PAGE2B: variants seen among roughly 807,000 people sequenced by gnomAD.
PAGE2B encodes putative G antigen family E member 3.
A neutral mutation model predicts 7.6 loss-of-function variants in PAGE2B; 5 were observed. The observed-to-expected ratio is 0.66, with a 90% CI of 0.34 to 1.38. The LOEUF (loss-of-function observed/expected upper bound fraction) is 1.38. Among genes scored for constraint, PAGE2B ranks in the 40% most tolerant of loss-of-function variants. The probability of loss-of-function intolerance (pLI) is 0.04; values close to 1 mark genes in which losing one functional copy is unlikely to be tolerated. For missense variants in PAGE2B, 70 were observed against 78.4 expected, an observed-to-expected ratio of 0.89 and a Z score of 0.41; for synonymous variants, 29 against 26.7, an observed-to-expected ratio of 1.09 and a Z score of -0.27.
At chrX:55,038,014 C>T in the PAGE2B span, among the ~76,000 whole-genome samples, 1 of 108,618 alleles carries the variant, frequency 9.2e-6, no homozygotes, top group Admixed American at 9.9e-5. Flanking sequence ...AACAAACCTG[C>T]ACATTGTGCA....
At chrX:55,063,241 C>A in the PAGE2B span, among the ~76,000 whole-genome samples, 1 of 111,089 alleles carries the variant, frequency 9.0e-6, no homozygotes, top group Non-Finnish European at 1.9e-5. Flanking sequence ...CATTTAATTT[C>A]TTGCATCAAT....
At chrX:55,062,047 G>T in the PAGE2B span, among the ~76,000 whole-genome samples, 3 of 111,750 alleles carry the variant, frequency 2.7e-5, no homozygotes, top group African/African-American at 6.5e-5. Flanking sequence ...GAATAGTGCT[G>T]CTGTAAACAT....
intron 2 of PAGE2B, among the ~76,000 whole-genome samples, chrX:55,076,340 G>A (rs768958560): frequency 2.5e-4 from 26 of 103,500 alleles, no homozygotes; most frequent in African/African-American, 9.3e-4. Flanking sequence ...ATATATATAT[G>A]TGTGTGTGTG....
rs1380705758 is a variant in PAGE2B at position 55,075,086 on chromosome X, A to G, written c.-37A>G. On this transcript the variant is annotated 5_prime_UTR_variant, in exon 1 of 5. Transcript: ENST00000374971. ...TGTCTTCATTCTTTCCGCCATCTTG[A>G]TTCTTTGTCACTGACCGAGACTCAG... 1 of 115,385 alleles carries G rather than the reference A, an allele frequency of 8.7e-6. No individual in the cohort carries two copies. The highest frequency in any genetic ancestry group is 1.8e-5 in the Non-Finnish European group (1 of 55,003). The allele number at this position is 115,385 out of a possible 1,213,427, so 9.5% of individuals were successfully genotyped here. A position where few individuals can be genotyped will look rare whatever the true frequency, so the allele number is the denominator to read the frequency against.
At chrX:55,057,210 T>C in the PAGE2B span, among the ~76,000 whole-genome samples, 1 of 110,993 alleles carries the variant, frequency 9.0e-6, no homozygotes, top group East Asian at 2.9e-4. Context: ...TTTTGTGTTT[T>C]TCCTTTTCTC....
chrX:55,036,427 G>A, the PAGE2B span, among the ~76,000 whole-genome samples: 54 of 111,191 alleles, frequency 4.9e-4, no homozygotes, highest in African/African-American at 1.6e-3. Context: ...GTATGATACT[G>A]GCTGTGGGTT....
At chrX:55,070,830 G>A (rs1936441797), upstream of PAGE2B, among the ~76,000 whole-genome samples, 1 of 111,579 alleles carries the variant, frequency 9.0e-6, no homozygotes. Context: ...TTTGAAGTCT[G>A]TTTTATCAGA....
the PAGE2B span, among the ~76,000 whole-genome samples, chrX:55,053,377 GA>G: frequency 9.0e-6 from 1 of 111,540 alleles, no homozygotes; most frequent in African/African-American, 3.3e-5. Context: ...TCAAGGGGGC[GA>G]GGGGAGGGAG....
At chrX:55,076,308 T>TTCTC (rs766282431) in intron 2 of PAGE2B, among the ~76,000 whole-genome samples, 183 bp downstream of exon 2, 2 of 106,865 alleles carry the variant, frequency 1.9e-5, no homozygotes, top group Non-Finnish European at 3.9e-5. Flanking sequence ...ATATGGATAT[T>TTCTC]TCTCTCTCTC....
At chrX:55,039,836 C>T in the PAGE2B span, among the ~76,000 whole-genome samples, 1 of 112,082 alleles carries the variant, frequency 8.9e-6, no homozygotes, top group Non-Finnish European at 1.9e-5. Flanking sequence ...GGGGCTGGCC[C>T]ATGTCCTTGT....
the PAGE2B span, among the ~76,000 whole-genome samples, chrX:55,041,747 G>A: frequency 4.5e-5 from 5 of 111,363 alleles, no homozygotes; most frequent in African/African-American, 1.6e-4. Context: ...GGCTGGGAGC[G>A]GCTGCCGTGG....
chrX:55,030,837 A>G, the PAGE2B span: 1 of 195,047 alleles, frequency 5.1e-6, no homozygotes, highest in Non-Finnish European at 1.1e-5. Context: ...AGAAACAAAC[A>G]AAGGAAAAAG....
chrX:55,039,500 T>TA, the PAGE2B span, among the ~76,000 whole-genome samples: 3 of 108,956 alleles, frequency 2.8e-5, no homozygotes, highest in South Asian at 4.0e-4. Context: ...TTTTTTTTTT[T>TA]AAACCACAGG....
At chrX:55,052,590 G>C in the PAGE2B span, among the ~76,000 whole-genome samples, 3 of 112,738 alleles carry the variant, frequency 2.7e-5, no homozygotes, top group Non-Finnish European at 5.6e-5. Context: ...GGCTCCTTGG[G>C]CATAGGACCC....
In PAGE2B at chrX:55,076,608, C is replaced by T; in HGVS notation, c.124C>T (p.Pro42Ser). 1.7e-6 allele frequency: 2 copies of T among 1,208,074 alleles called. No individual in the cohort carries two copies. Among genetic ancestry groups the T allele is most frequent in the Non-Finnish European group, 1.1e-6 (1 of 894,114 alleles). ...TGAGGAAAAACGTCAAGAAGAGGAA[C>T]CACCAACTGATAATCAGGGTATTGC... Reference protein sequence around the residue: ...PTEEKRQEEEPPTDNQGIAPS... With the variant: ...PTEEKRQEEESPTDNQGIAPS... Residue 42 changes from proline to serine, a missense_variant, in exon 3 of 5, where the codon CCA becomes TCA. Transcript: ENST00000374971.
At chrX:55,030,960 G>A in the PAGE2B span, 151 of 340,489 alleles carry the variant, frequency 4.4e-4, no homozygotes, top group Non-Finnish European at 7.7e-4. Flanking sequence ...CTGCACTGAG[G>A]ACGAACGAAT....
At chrX:55,041,336 C>T in the PAGE2B span, among the ~76,000 whole-genome samples, 2 of 110,905 alleles carry the variant, frequency 1.8e-5, no homozygotes, top group Non-Finnish European at 3.8e-5. Context: ...CCCCATCAGC[C>T]TCCCAAAGTG....
At chrX:55,035,062 C>T in the PAGE2B span, among the ~76,000 whole-genome samples, 1 of 109,788 alleles carries the variant, frequency 9.1e-6, no homozygotes, top group Non-Finnish European at 1.9e-5. Context: ...TAGATGATAC[C>T]CACCCAGGTT....
chrX:55,036,337 G>A, the PAGE2B span, among the ~76,000 whole-genome samples: 1 of 110,916 alleles, frequency 9.0e-6, no homozygotes, highest in Non-Finnish European at 1.9e-5. Flanking sequence ...CCAACACTAT[G>A]TTGAATAGGA....
Sources: gnomAD v4.1 joint callset for allele counts (sites outside exome capture counted in the v4.1 genomes callset) on GRCh38, gnomAD v4.1.1 for gene constraint, MANE v1.5 for transcripts, NCBI Gene and HGNC (gene_info 2026-07-23, HGNC 2026-07-21) for gene names.